The following NAA11 variants were observed in gnomAD, a reference collection of about 807,000 sequenced individuals.
NAA11 encodes N-alpha-acetyltransferase 11.
NAA11 carries 15 observed loss-of-function variants against 16.1 expected under a neutral mutation model. That is an observed-to-expected ratio of 0.93 (90% CI 0.62 to 1.44). The LOEUF is 1.44. Ranked by LOEUF, NAA11 falls within the 40% of genes most tolerant of loss-of-function variation. NAA11 has a pLI of 0.00. For missense variants in NAA11, 298 were observed against 291.3 expected (o/e 1.02, Z -0.17); for synonymous variants, 122 against 112.4 (o/e 1.09, Z -0.54).
the NAA11 span, among the ~76,000 whole-genome samples, chr4:79,156,701 G>A: frequency 3.3e-5 from 5 of 152,148 alleles, no homozygotes; most frequent in African/African-American, 1.2e-4. Flanking sequence ...GGGCACTGTG[G>A]ACCAGACAGC....
intron 2 of NAA11, among the ~76,000 whole-genome samples, chr4:79,261,266 C>A (rs1049812556): frequency 6.6e-6 from 1 of 152,168 alleles, no homozygotes; most frequent in Non-Finnish European, 1.5e-5. Flanking sequence ...TACCCTTGGA[C>A]AACATGACTA....
intron 1 of NAA11, among the ~76,000 whole-genome samples, chr4:79,304,053 G>A (rs1255000032): frequency 6.6e-6 from 1 of 152,102 alleles, no homozygotes; most frequent in Non-Finnish European, 1.5e-5. Flanking sequence ...CGACCATCAT[G>A]TGTTTTTCTG....
the NAA11 span, among the ~76,000 whole-genome samples, chr4:79,198,901 C>G: frequency 6.6e-6 from 1 of 151,854 alleles, no homozygotes; most frequent in Non-Finnish European, 1.5e-5. Flanking sequence ...TCTATGCAAC[C>G]TGCAGGAAAA....
chr4:79,245,779 G>A (rs529528798), intron 2 of NAA11, among the ~76,000 whole-genome samples: 130 of 151,042 alleles, frequency 8.6e-4, no homozygotes, highest in East Asian at 4.4e-3. Flanking sequence ...GGGCGCCTCC[G>A]CCCAGCCGCC....
At chr4:79,213,107 T>C in the NAA11 span, among the ~76,000 whole-genome samples, 2 of 152,196 alleles carry the variant, frequency 1.3e-5, no homozygotes, top group African/African-American at 4.8e-5. Flanking sequence ...GGTTCATTAT[T>C]ATCACAATGA....
chr4:79,277,319 G>A (rs1327555591), intron 2 of NAA11, among the ~76,000 whole-genome samples: 2 of 152,018 alleles, frequency 1.3e-5, no homozygotes, highest in Non-Finnish European at 2.9e-5. Context: ...CCATGTATCC[G>A]TAAGTTGGTG....
At chr4:79,203,799 G>A in the NAA11 span, among the ~76,000 whole-genome samples, 3 of 151,658 alleles carry the variant, frequency 2.0e-5, no homozygotes, top group Non-Finnish European at 2.9e-5. Flanking sequence ...GACACTCAGA[G>A]TTAATAGTTC....
intron 2 of NAA11, among the ~76,000 whole-genome samples, chr4:79,266,969 G>T (rs1722362601): frequency 6.6e-6 from 1 of 152,092 alleles, no homozygotes; most frequent in African/African-American, 2.4e-5. Flanking sequence ...TGTTTAAAAA[G>T]CACAGTGAAA....
At chr4:79,205,067 T>C in the NAA11 span, among the ~76,000 whole-genome samples, 2 of 152,006 alleles carry the variant, frequency 1.3e-5, no homozygotes, top group African/African-American at 2.4e-5. Flanking sequence ...CACTTACCAG[T>C]TGATGGGAAC....
At chr4:79,193,839 T>G in the NAA11 span, among the ~76,000 whole-genome samples, 1 of 152,214 alleles carries the variant, frequency 6.6e-6, no homozygotes, top group East Asian at 1.9e-4. Context: ...TTCACGATAT[T>G]GATTCTTCCT....
At chr4:79,240,183 A>G (rs116008204) in intron 2 of NAA11, among the ~76,000 whole-genome samples, 3,592 of 152,268 alleles carry the variant, frequency 0.024, 98 homozygotes, top group African/African-American at 0.066. Context: ...CATTCCATGT[A>G]TAATTGTGTG....
chr4:79,292,605 A>G (rs941157801), intron 2 of NAA11, among the ~76,000 whole-genome samples: 13 of 152,316 alleles, frequency 8.5e-5, no homozygotes, highest in African/African-American at 2.9e-4. Flanking sequence ...ATGCTTTTTA[A>G]CTTTACAGAT....
At chr4:79,293,012 T>C (rs1723121773) in intron 2 of NAA11, among the ~76,000 whole-genome samples, 1 of 152,208 alleles carries the variant, frequency 6.6e-6, no homozygotes, top group Non-Finnish European at 1.5e-5. Context: ...AAAGAAATTA[T>C]ATTTGTTGTC....
At chr4:79,304,669 C>G (rs558006195) in intron 1 of NAA11, among the ~76,000 whole-genome samples, 37 of 152,164 alleles carry the variant, frequency 2.4e-4, no homozygotes, top group Non-Finnish European at 4.9e-4. Flanking sequence ...CCATTTCATC[C>G]TCAAAAATAT....
chr4:79,211,827 C>T, the NAA11 span: 27 of 152,316 alleles, frequency 1.8e-4, no homozygotes, highest in South Asian at 1.9e-3. Flanking sequence ...GAATGTCATC[C>T]ATTTTAATGG....
At chr4:79,215,957 T>C in the NAA11 span, among the ~76,000 whole-genome samples, 8 of 152,188 alleles carry the variant, frequency 5.3e-5, no homozygotes, top group Non-Finnish European at 7.3e-5. Flanking sequence ...TTATTGACTT[T>C]GGTAAACCAT....
At chr4:79,171,379 C>T in the NAA11 span, among the ~76,000 whole-genome samples, 2 of 152,150 alleles carry the variant, frequency 1.3e-5, no homozygotes, top group African/African-American at 4.8e-5. Context: ...TGGGATGACA[C>T]AGCATGAAGG....
At chr4:79,226,752 A>G (rs1721325342) in intron 2 of NAA11, among the ~76,000 whole-genome samples, 3 of 152,020 alleles carry the variant, frequency 2.0e-5, no homozygotes, top group Admixed American at 2.0e-4. Context: ...TACAAAGGAC[A>G]TGAATTCATC....
rs1487003633 is a variant in NAA11 at position 79,284,797 on chromosome 4, G to A, written c.*122+9208C>T. ...TGAGGCAGGAGAATGGCGTGAACCC[G>A]GGAAGCGGAGCTTGCAGTGAGCCGA... On this transcript the variant is annotated intron_variant and NMD_transcript_variant, in intron 2 of 2. Coordinates refer to the NAA11 transcript ENST00000511542. Among the ~76,000 whole-genome samples, 2 of 43,174 alleles carry A rather than the reference G, an allele frequency of 4.6e-5. 1 individual carries two copies. The highest frequency in any genetic ancestry group is 8.6e-5 in the Non-Finnish European group (2 of 23,180). 28.3% of individuals were successfully genotyped at this position (43,174 alleles called of 152,430 possible).
Sources: allele counts gnomAD v4.1 joint callset (sites outside exome capture counted in the v4.1 genomes callset), GRCh38; gene constraint gnomAD v4.1.1; transcripts MANE v1.5; gene names NCBI Gene and HGNC (gene_info 2026-07-23, HGNC 2026-07-21).